FCGRT: variants seen among roughly 807,000 people sequenced by gnomAD.
The protein encoded by FCGRT is IgG receptor FcRn large subunit p51.
Under a neutral mutation model 35.7 loss-of-function variants are expected in FCGRT, and 13 were observed. The ratio of observed to expected loss-of-function variants is 0.36; its 90% confidence interval spans 0.24 to 0.58. The LOEUF (loss-of-function observed/expected upper bound fraction) is 0.58. FCGRT is among the 20% of genes least tolerant of loss of function. The pLI is 0.77. For synonymous variants in FCGRT, 233 were observed against 216.5 expected, an observed-to-expected ratio of 1.08 and a Z score of -0.67; for missense variants, 455 against 474.9, an observed-to-expected ratio of 0.96 and a Z score of 0.39.
At chr19:49,523,230 G>A (rs958085680) in intron 4 of FCGRT, among the ~76,000 whole-genome samples, 2 of 151,988 alleles carry the variant, frequency 1.3e-5, no homozygotes, top group African/African-American at 4.8e-5. Context: ...GATGTCTTCT[G>A]GACCTGGAAT....
At chr19:49,518,626 C>T (rs950525466) in intron 4 of FCGRT, among the ~76,000 whole-genome samples, 13 of 152,176 alleles carry the variant, frequency 8.5e-5, no homozygotes, top group South Asian at 2.1e-4. Flanking sequence ...TTCTGCCTCC[C>T]GGGTTCAAGC....
chr19:49,525,343 C>A, intron 5 of FCGRT, 114 bp from the exon 6 acceptor site: 1 of 822,480 alleles, frequency 1.2e-6, no homozygotes, highest in Non-Finnish European at 2.1e-6. Context: ...GCCCATCAGA[C>A]ACTTGGTGCT....
intron 4 of FCGRT, chr19:49,516,152 C>G (rs1646182958): frequency 2.2e-6 from 1 of 454,770 alleles, no homozygotes; most frequent in African/African-American, 2.0e-5. Flanking sequence ...GGGATGTGCA[C>G]AGATATTCAT....
At chr19:49,522,765 G>GCT (rs1181664991) in intron 4 of FCGRT, among the ~76,000 whole-genome samples, 6 of 127,598 alleles carry the variant, frequency 4.7e-5, no homozygotes, top group Admixed American at 2.5e-4. Flanking sequence ...TTGGCCTTAA[G>GCT]CTCTCTTTTT....
At chr19:49,517,448 G>A (rs1281828461) in intron 4 of FCGRT, among the ~76,000 whole-genome samples, 1 of 151,522 alleles carries the variant, frequency 6.6e-6, no homozygotes, top group Non-Finnish European at 1.5e-5. Context: ...CCGAGATCAA[G>A]CCACTGCACT....
At chr19:49,522,429 A>T (rs189891877) in intron 4 of FCGRT, among the ~76,000 whole-genome samples, 1 of 150,572 alleles carries the variant, frequency 6.6e-6, no homozygotes, top group Admixed American at 6.6e-5. Context: ...ATTTTTTAAA[A>T]TTTTTAATTT....
At position 49,516,210 on chromosome 19, in the gene FCGRT, TTTAA is replaced by T. The variant is rs1413872139; in HGVS notation, c.601+1727_601+1730del. The T allele has an allele frequency of 4.6e-5, 20 of 437,720 alleles. No homozygotes were observed. The East Asian group carries it at 1.3e-3, about 28-fold the overall frequency. The allele number at this position is 437,720 out of a possible 1,614,324, so 27.1% of individuals were successfully genotyped here. On this transcript the variant is annotated intron_variant, in intron 4 of 6. Transcript: ENST00000221466. ...TTGAGACTCAACCAGGTAGTTTTTC[TTTAA>T]TTGTCTTCTTTCTTTCCTAAGTAGG...
intron 4 of FCGRT, among the ~76,000 whole-genome samples, chr19:49,517,881 T>G (rs1460088273): frequency 1.3e-5 from 2 of 152,078 alleles, no homozygotes. Context: ...TTAGTAGAGA[T>G]GAGGTTTCAC....
At chr19:49,513,228 G>A in intron 1 of FCGRT, 159 bp from the exon 2 acceptor site, 1 of 395,592 alleles carries the variant, frequency 2.5e-6, no homozygotes, top group Non-Finnish European at 4.5e-6. Flanking sequence ...CCAGTTCAGG[G>A]GTGAAAGTTC....
At chr19:49,524,922 C>G in intron 5 of FCGRT, 146 bp downstream of exon 5, 1 of 828,484 alleles carries the variant, frequency 1.2e-6, no homozygotes, top group Non-Finnish European at 2.0e-6. Flanking sequence ...GTCAGTGCCC[C>G]CAAAACCTGA....
Position 49,512,667 on chromosome 19 carries a change from T to A in FCGRT, c.-98T>A, listed in dbSNP as rs530379414. The A allele has an allele frequency of 7.8e-5, 12 of 154,446 alleles. No homozygotes were observed. The East Asian group carries it at 2.3e-3, about 30-fold the overall frequency. The allele number at this position is 154,446 out of a possible 1,614,324, so 9.6% of individuals were successfully genotyped here. A position where few individuals can be genotyped will look rare whatever the true frequency, so the allele number is the denominator to read the frequency against. ...GGGAGCAGCAGCCTCCCACAGGATG[T>A]GAGAGAGGAACTGGGGTCTCCAGTC... On this transcript the variant is annotated 5_prime_UTR_variant, in exon 1 of 7. The change abolishes the stop of an existing upstream ORF in the 5' untranslated region. Coordinates refer to ENST00000221466, the MANE Select transcript of FCGRT (RefSeq NM_001136019.3).
chr19:49,518,080 C>T (rs970703344), intron 4 of FCGRT, among the ~76,000 whole-genome samples: 1 of 152,136 alleles, frequency 6.6e-6, no homozygotes, highest in African/African-American at 2.4e-5. Context: ...CCCTCCTCAG[C>T]CTCCCAAAGT....
chr19:49,516,154 G>C, intron 4 of FCGRT: 1 of 455,016 alleles, frequency 2.2e-6, no homozygotes, highest in Non-Finnish European at 4.4e-6. Context: ...GATGTGCACA[G>C]ATATTCATTC....
In FCGRT at chr19:49,514,453, C is replaced by A. The variant is rs1160447854; in HGVS notation, c.568C>A (p.Leu190Met). 1 of 1,566,846 alleles carries A rather than the reference C, an allele frequency of 6.4e-7. No homozygotes were observed. The highest frequency in any genetic ancestry group is 8.7e-7 in the Non-Finnish European group (1 of 1,152,448). The change falls in exon 4 of 7, where the codon CTG (leucine) becomes ATG (methionine). Residue 190 changes from leucine (L) to methionine (M), a missense_variant. Transcript: ENST00000221466. ...CTGCCCGCACCGCCTGCGGGAGCAC[C>A]TGGAGAGGGGCCGCGGAAACCTGGA... Reference protein sequence around the residue: ...FSCPHRLREHLERGRGNLEWK... With the variant: ...FSCPHRLREHMERGRGNLEWK...
intron 4 of FCGRT, among the ~76,000 whole-genome samples, chr19:49,518,167 T>TA (rs973562617): frequency 2.0e-5 from 3 of 152,034 alleles, no homozygotes; most frequent in African/African-American, 7.2e-5. Flanking sequence ...TAAGGGCATT[T>TA]AAAAAAAATT....
intron 4 of FCGRT, among the ~76,000 whole-genome samples, chr19:49,520,432 G>A (rs1157397126): frequency 5.4e-5 from 8 of 148,092 alleles, no homozygotes; most frequent in African/African-American, 1.5e-4. Flanking sequence ...TGCAACCTCC[G>A]CCTCCTGGAT....
chr19:49,520,118 AC>A (rs1490770195), intron 4 of FCGRT, among the ~76,000 whole-genome samples: 1 of 134,824 alleles, frequency 7.4e-6, no homozygotes, highest in Non-Finnish European at 1.5e-5. Flanking sequence ...GGCGTGAGCC[AC>A]CGCGCCCGGG....
Position 49,514,300 on chromosome 19 carries a change from G to C in FCGRT, c.415G>C (p.Glu139Gln). 1.2e-6 allele frequency: 2 copies of C among 1,613,188 alleles called. No individual in the cohort carries two copies. The highest frequency in any genetic ancestry group is 1.7e-6 in the Non-Finnish European group (2 of 1,179,762). Residue 139 changes from glutamate (E) to glutamine (Q), a missense_variant, in exon 4 of 7, where the codon GAG becomes CAG. This residue lies in a region of FCGRT where 7 missense variants were observed against 19.9 expected (regional missense o/e 0.35). Transcript: ENST00000221466. ...CGCCAAGTTCGCCCTGAACGGCGAG[G>C]AGTTCATGAATTTCGACCTCAAGCA... ...PTAKFALNGE[E>Q]FMNFDLKQGT... is the part of the protein sequence containing the mutation.
rs2080062887 is a variant in FCGRT, at chr19:49,524,711, A to G, written c.806A>G (p.Asp269Gly). The G allele has an allele frequency of 6.2e-7, 1 of 1,602,750 alleles. No homozygotes were observed. Residue 269 changes from aspartate (D) to glycine (G), a missense_variant, in exon 5 of 7, where the codon GAT (aspartate) becomes GGT (glycine). By Grantham distance (94) the Asp-to-Gly change is moderately conservative (BLOSUM62 -1). Coordinates refer to ENST00000221466, the MANE Select transcript of FCGRT (RefSeq NM_001136019.3). Reference sequence around the variant, plus strand: ...TCGTCACTAACAGTCAAAAGTGGCGATGAGCACCACTACTGCTGCATTGTG... The same window carrying G: ...TCGTCACTAACAGTCAAAAGTGGCGGTGAGCACCACTACTGCTGCATTGTG... ...ASSSLTVKSG[D>G]EHHYCCIVQH... is the part of the protein sequence containing the mutation.
Sources: allele counts gnomAD v4.1 joint callset (sites outside exome capture counted in the v4.1 genomes callset), GRCh38; gene constraint gnomAD v4.1.1; regional missense constraint gnomAD v4.1.1; transcripts MANE v1.5; gene names NCBI Gene and HGNC (gene_info 2026-07-23, HGNC 2026-07-21).